The following FYN variants were observed in gnomAD, a reference collection of about 807,000 sequenced individuals.
FYN encodes the protein FYN proto-oncogene, Src family tyrosine kinase, also known as tyrosine-protein kinase Fyn.
FYN carries 10 observed loss-of-function variants against 70.2 expected under a neutral mutation model. The ratio of observed to expected loss-of-function variants is 0.14; its 90% CI spans 0.09 to 0.24. The LOEUF is 0.24. Ranked by LOEUF, FYN falls within the 10% of genes least tolerant of loss-of-function variation. FYN has a pLI of 1.00. For synonymous variants in FYN, 236 were observed against 248.6 expected (o/e 0.95, Z 0.48); for missense variants, 319 against 673.1 (o/e 0.47, Z 5.82).
At chr6:111,680,086 G>A (rs916421159) in intron 12 of FYN, among the ~76,000 whole-genome samples, 1 of 152,174 alleles carries the variant, frequency 6.6e-6, no homozygotes, top group Non-Finnish European at 1.5e-5. Context: ...TTAAAATAAA[G>A]TTAATAATCA....
intron 3 of FYN, among the ~76,000 whole-genome samples, chr6:111,749,095 C>CA (rs1449290918): frequency 3.9e-5 from 6 of 152,292 alleles, no homozygotes; most frequent in African/African-American, 1.4e-4. Context: ...TCCTGGGCCT[C>CA]AGTCACTATA....
intron 2 of FYN, among the ~76,000 whole-genome samples, chr6:111,845,111 C>T (rs1471552897): frequency 6.6e-6 from 1 of 152,266 alleles, no homozygotes; most frequent in Non-Finnish European, 1.5e-5. Context: ...GAATGGACTT[C>T]CCCCTCCTGT....
intron 1 of FYN, among the ~76,000 whole-genome samples, chr6:111,849,119 C>G (rs1003240281): frequency 6.6e-6 from 1 of 152,124 alleles, no homozygotes; most frequent in African/African-American, 2.4e-5. Flanking sequence ...ATTTTCCATG[C>G]TTTTATTCTT....
chr6:111,854,441 G>C (rs1245754440), intron 1 of FYN, among the ~76,000 whole-genome samples: 3 of 152,168 alleles, frequency 2.0e-5, no homozygotes, highest in Non-Finnish European at 2.9e-5. Context: ...CCAGGCCACT[G>C]CCTCACCAGA....
chr6:111,862,014 A>C (rs774982712), intron 1 of FYN, among the ~76,000 whole-genome samples: 1 of 152,172 alleles, frequency 6.6e-6, no homozygotes, highest in African/African-American at 2.4e-5. Context: ...TGGGCTATAC[A>C]TGGCAGAGGC....
rs112490559 is a variant in FYN at position 111,786,521 on chromosome 6, C to T, written c.-81-5886G>A. 2.6e-3 allele frequency among the ~76,000 whole-genome samples: 399 copies of T among 152,294 alleles called. 4 individuals carry two copies. Among genetic ancestry groups the T allele is most frequent in the African/African-American group, 8.9e-3 (371 of 41,554 alleles). ...TGTGAATAGTGCCGCAATATGTGTG[C>T]ATGTATCTTTATAGCAGCATGATTT... On this transcript the variant is annotated intron_variant, in intron 2 of 13. Coordinates refer to ENST00000354650, the MANE Select transcript of FYN (RefSeq NM_002037.5).
chr6:111,696,270 G>A lies in FYN; in HGVS notation c.1042+7C>T. On this transcript the variant is annotated splice_region_variant and intron_variant, in intron 10 of 13. Coordinates refer to ENST00000354650, the MANE Select transcript of FYN (RefSeq NM_002037.5). Reference sequence around the variant, plus strand: ...GTGAGCTGGAGACAGGAGAGGTGTTGCCCAACCTTTGTTCATATACTCGGT... The same window carrying A: ...GTGAGCTGGAGACAGGAGAGGTGTTACCCAACCTTTGTTCATATACTCGGT... 2.5e-6 allele frequency: 4 copies of A among 1,602,506 alleles called. No homozygotes were observed. Among genetic ancestry groups the A allele is most frequent in the Non-Finnish European group, 3.4e-6 (4 of 1,173,568 alleles).
At chr6:111,823,945 A>G (rs2114379490) in intron 2 of FYN, among the ~76,000 whole-genome samples, 1 of 152,338 alleles carries the variant, frequency 6.6e-6, no homozygotes, top group Admixed American at 6.5e-5. Flanking sequence ...TTAGAATGCT[A>G]TTTTTAATCA....
At chr6:111,864,064 A>T (rs531541772) in intron 1 of FYN, among the ~76,000 whole-genome samples, 48 of 152,268 alleles carry the variant, frequency 3.2e-4, no homozygotes, top group African/African-American at 1.2e-3. Context: ...ATTCTATGAG[A>T]TCTTCAGCAT....
intron 2 of FYN, among the ~76,000 whole-genome samples, chr6:111,785,417 C>T (rs1251783738): frequency 1.3e-5 from 2 of 152,192 alleles, no homozygotes; most frequent in East Asian, 1.9e-4. Context: ...AAATGAAAGG[C>T]TTCACTCAGA....
At chr6:111,812,256 G>A (rs1185111012) in intron 2 of FYN, among the ~76,000 whole-genome samples, 2 of 152,222 alleles carry the variant, frequency 1.3e-5, no homozygotes, top group African/African-American at 4.8e-5. Flanking sequence ...GGGGTGACAA[G>A]GCCTCTGGGA....
At chr6:111,859,242 C>T (rs1773898478) in intron 1 of FYN, among the ~76,000 whole-genome samples, 2 of 152,198 alleles carry the variant, frequency 1.3e-5, no homozygotes, top group South Asian at 4.1e-4. Context: ...TCTCTAGTCT[C>T]TTAGAGCAAC....
chr6:111,814,615 T>C (rs1048535715), intron 2 of FYN, among the ~76,000 whole-genome samples: 78 of 152,240 alleles, frequency 5.1e-4, no homozygotes, highest in African/African-American at 1.8e-3. Flanking sequence ...GAAAATATTA[T>C]ATAAACCTAA....
At chr6:111,849,892 C>T (rs1378068460) in intron 1 of FYN, among the ~76,000 whole-genome samples, 2 of 152,210 alleles carry the variant, frequency 1.3e-5, no homozygotes, top group African/African-American at 4.8e-5. Flanking sequence ...TGTGTTCCCA[C>T]GGCACTTTGT....
At chr6:111,707,749 T>C (rs1285910921) in intron 6 of FYN, among the ~76,000 whole-genome samples, 173 bp downstream of exon 6, 1 of 152,216 alleles carries the variant, frequency 6.6e-6, no homozygotes, top group African/African-American at 2.4e-5. Flanking sequence ...AAACATTAAG[T>C]TAATAATAGT....
chr6:111,744,769 G>C (rs1802132112), intron 3 of FYN, among the ~76,000 whole-genome samples: 1 of 152,044 alleles, frequency 6.6e-6, no homozygotes, highest in Non-Finnish European at 1.5e-5. Context: ...ATATGCAAAG[G>C]TATTTAGAAA....
intron 3 of FYN, among the ~76,000 whole-genome samples, chr6:111,730,506 G>A (rs554372746): frequency 3.3e-5 from 5 of 152,340 alleles, no homozygotes; most frequent in South Asian, 2.1e-4. Context: ...CCACGCATGG[G>A]CTTGGCTCTA....
intron 9 of FYN, chr6:111,699,772 C>T (rs1171546015): frequency 1.8e-6 from 2 of 1,130,252 alleles, no homozygotes; most frequent in Non-Finnish European, 2.5e-6. Context: ...GGATGACACT[C>T]AACAAATATT....
chr6:111,786,283 C>T (rs546344037), intron 2 of FYN, among the ~76,000 whole-genome samples: 9 of 152,104 alleles, frequency 5.9e-5, no homozygotes, highest in Admixed American at 2.6e-4. Context: ...TTGTTCAATT[C>T]CCACCTATGA....
Sources: allele counts gnomAD v4.1 joint callset (sites outside exome capture counted in the v4.1 genomes callset), GRCh38; gene constraint gnomAD v4.1.1; transcripts MANE v1.5; gene names NCBI Gene and HGNC (gene_info 2026-07-23, HGNC 2026-07-21).